SLC35A3: variants seen among roughly 807,000 people sequenced by gnomAD.
SLC35A3 encodes the protein UDP-N-acetylglucosamine transporter.
A neutral mutation model predicts 39.0 loss-of-function variants in SLC35A3; 26 were observed. That is an observed-to-expected ratio of 0.67 (90% CI 0.49 to 0.92). SLC35A3 has a LOEUF of 0.92. Ranked by LOEUF, SLC35A3 falls within the 40% of genes least tolerant of loss-of-function variation. The pLI is 0.00. For missense variants in SLC35A3, 299 were observed against 371.6 expected (o/e 0.80, Z 1.61); for synonymous variants, 135 against 133.1 (o/e 1.01, Z -0.10).
At position 100,030,057 on chromosome 1, in the gene SLC35A3, A is replaced by G. The variant is rs1661146381; in HGVS notation, c.*7581A>G. The G allele has an allele frequency of 6.6e-6, 1 of 152,234 alleles. No individual in the cohort carries two copies. 9.4% of individuals were successfully genotyped at this position (152,234 alleles called of 1,614,324 possible). On this transcript the variant is annotated 3_prime_UTR_variant, in exon 8 of 8. Coordinates refer to ENST00000533028, the MANE Select transcript of SLC35A3 (RefSeq NM_012243.3). ...CCTATCACCATTATAAGGAAGAGCTAAAACCTGATACCAGTTGTTATTTTG... is the reference window on the plus strand; with the variant it reads ...CCTATCACCATTATAAGGAAGAGCTGAAACCTGATACCAGTTGTTATTTTG...
chr1:100,010,544 T>TC (rs1461805788), intron 4 of SLC35A3, among the ~76,000 whole-genome samples: 6 of 151,976 alleles, frequency 3.9e-5, no homozygotes, highest in Non-Finnish European at 8.8e-5. Flanking sequence ...AACACAGAAA[T>TC]TAGCTGGGTG....
chr1:99,995,626 GA>G (rs1354514729), intron 2 of SLC35A3, among the ~76,000 whole-genome samples: 1 of 152,126 alleles, frequency 6.6e-6, no homozygotes, highest in Non-Finnish European at 1.5e-5. Context: ...GATTTGGGGG[GA>G]AATTAAAGCT....
rs1660709828 is a variant in SLC35A3 at position 100,023,814 on chromosome 1, C to G, written c.*1338C>G. 1 of 152,306 alleles carries G rather than the reference C, an allele frequency of 6.6e-6. No individual in the cohort carries two copies. The highest frequency in any genetic ancestry group is 1.5e-5 in the Non-Finnish European group (1 of 68,236). The allele number at this position is 152,306 out of a possible 1,614,324, so 9.4% of individuals were successfully genotyped here. ...ACAAGGTCAAGAGATTGAGACTATC[C>G]TGACCAACATGGTGAAACCCCGTCT... is the stretch of plus-strand genomic sequence containing the variant. On this transcript the variant is annotated 3_prime_UTR_variant, in exon 8 of 8. Coordinates refer to ENST00000533028, the MANE Select transcript of SLC35A3 (RefSeq NM_012243.3).
chr1:100,019,089 A>G (rs991812847), intron 7 of SLC35A3, among the ~76,000 whole-genome samples: 1 of 151,896 alleles, frequency 6.6e-6, no homozygotes, highest in Non-Finnish European at 1.5e-5. Context: ...AGGAAATCGT[A>G]TGCTTTAATG....
intron 1 of SLC35A3, among the ~76,000 whole-genome samples, chr1:99,983,960 T>A (rs1657608546): frequency 6.6e-6 from 1 of 152,200 alleles, no homozygotes; most frequent in African/African-American, 2.4e-5. Context: ...TTAATTATTT[T>A]ACATTTCAAA....
At chr1:99,983,445 A>C (rs1362933875) in intron 1 of SLC35A3, among the ~76,000 whole-genome samples, 1 of 151,414 alleles carries the variant, frequency 6.6e-6, no homozygotes, top group Non-Finnish European at 1.5e-5. Context: ...AGGCCGAGGC[A>C]GGAGAATCTC....
chr1:99,982,124 C>A (rs971542298), intron 1 of SLC35A3, among the ~76,000 whole-genome samples: 1 of 151,542 alleles, frequency 6.6e-6, no homozygotes, highest in African/African-American at 2.4e-5. Context: ...CGTGCCTCAG[C>A]CTCCTGAGTA....
At chr1:100,011,307 A>G (rs1474334462) in intron 4 of SLC35A3, 58 bp from the exon 5 acceptor site, 19 of 899,188 alleles carry the variant, frequency 2.1e-5, no homozygotes, top group Non-Finnish European at 8.2e-6. Context: ...GGCTCTCAAT[A>G]TGTTTATGTA....
chr1:100,012,795 C>T (rs757990607), intron 5 of SLC35A3, among the ~76,000 whole-genome samples: 1 of 152,096 alleles, frequency 6.6e-6, no homozygotes, highest in Non-Finnish European at 1.5e-5. Flanking sequence ...ATTGTTTCAG[C>T]CATTGGTTAC....
chr1:99,980,474 C>G (rs754155675), intron 1 of SLC35A3, among the ~76,000 whole-genome samples: 1 of 152,016 alleles, frequency 6.6e-6, no homozygotes, highest in Admixed American at 6.5e-5. Flanking sequence ...GAGTGCTGAA[C>G]GATTTTTATC....
In SLC35A3 at chr1:99,999,277, A is replaced by G. The variant is rs139381488; in HGVS notation, c.204A>G (p.Ala68=). The G allele has an allele frequency of 7.7e-6, 12 of 1,559,498 alleles. No individual in the cohort carries two copies. Among genetic ancestry groups the G allele is most frequent in the Admixed American group, 6.3e-5 (3 of 47,840 alleles). Residue 68 remains alanine, a synonymous_variant, in exon 3 of 8, where the codon GCA becomes GCG. Transcript: ENST00000533028. ...ATTTTCTAGAATGTAGTCTAAGAGCACTGAATCGAGTACTACATGATGAAA... is the reference window on the plus strand; with the variant it reads ...ATTTTCTAGAATGTAGTCTAAGAGCGCTGAATCGAGTACTACATGATGAAA... ...VYKDSKCSLR[A]LNRVLHDEIL... is the part of the protein sequence containing the mutation.
intron 1 of SLC35A3, among the ~76,000 whole-genome samples, chr1:99,976,978 GA>G (rs1026106847): frequency 1.3e-5 from 2 of 149,094 alleles, no homozygotes; most frequent in East Asian, 3.9e-4. Context: ...AAAAGTTGGG[GA>G]AAAAAAAAGA....
intron 3 of SLC35A3, among the ~76,000 whole-genome samples, chr1:100,002,518 T>C (rs1462047941): frequency 6.6e-6 from 1 of 152,206 alleles, no homozygotes; most frequent in Non-Finnish European, 1.5e-5. Flanking sequence ...TTGTAGTTTA[T>C]TGATTTTATT....
intron 2 of SLC35A3, among the ~76,000 whole-genome samples, chr1:99,995,367 G>A (rs959637927): frequency 1.3e-5 from 2 of 151,880 alleles, no homozygotes; most frequent in Non-Finnish European, 2.9e-5. Flanking sequence ...TGGCCAGGCT[G>A]GTCTTGAACT....
rs1411645127 is a variant in SLC35A3 at position 99,999,419 on chromosome 1, CT to C, written c.342+6del. On this transcript the variant is annotated splice_donor_5th_base_variant and intron_variant, in intron 3 of 7. Transcript: ENST00000533028. ...TCTAGATGCAGCTACTTATCAGGTA[CT>C]TAAAATACATTTCTTTCTTTTTTAA... 6.4e-7 allele frequency: 1 copy of C among 1,566,548 alleles called. No homozygotes were observed. Among genetic ancestry groups the C allele is most frequent in the Admixed American group, 2.1e-5 (1 of 47,966 alleles).
chr1:100,019,313 TTC>T (rs1406079021), intron 7 of SLC35A3, among the ~76,000 whole-genome samples: 3 of 152,116 alleles, frequency 2.0e-5, no homozygotes, highest in Non-Finnish European at 4.4e-5. Flanking sequence ...AAATTCACGT[TTC>T]TGAGGAAGTA....
intron 1 of SLC35A3, among the ~76,000 whole-genome samples, chr1:99,972,324 C>T (rs527506763): frequency 6.8e-6 from 1 of 147,828 alleles, no homozygotes; most frequent in Non-Finnish European, 1.5e-5. Context: ...AGCATTTGTA[C>T]TTACTACTTT....
chr1:99,999,215 T>TA (rs1658602530), intron 2 of SLC35A3, 46 bp from the exon 3 acceptor site: 2 of 1,243,334 alleles, frequency 1.6e-6, no homozygotes, highest in African/African-American at 3.1e-5. Context: ...ATATGTAACT[T>TA]ATTCAGAGTT....
intron 1 of SLC35A3, among the ~76,000 whole-genome samples, chr1:99,992,441 C>G (rs537217789): frequency 1.3e-5 from 2 of 151,564 alleles, no homozygotes; most frequent in African/African-American, 4.8e-5. Context: ...ACTTTTTAAC[C>G]TATATATGTC....
Sources: allele counts gnomAD v4.1 joint callset (sites outside exome capture counted in the v4.1 genomes callset), GRCh38; gene constraint gnomAD v4.1.1; transcripts MANE v1.5; gene names NCBI Gene and HGNC (gene_info 2026-07-23, HGNC 2026-07-21).